Variants in DPP10 observed in about 807,000 individuals in gnomAD.
DPP10 encodes dipeptidyl peptidase like 10, also known as inactive dipeptidyl peptidase 10.
DPP10 carries 33 observed loss-of-function variants against 120.9 expected under a neutral mutation model. The observed-to-expected ratio is 0.27, with a 90% CI of 0.21 to 0.37. DPP10 has a LOEUF of 0.37. Among genes scored for constraint, DPP10 ranks in the 10% least tolerant of loss-of-function variants. The pLI, the probability that DPP10 is intolerant of heterozygous loss-of-function variation, is 1.00. For missense variants in DPP10, 816 were observed against 942.8 expected, an observed-to-expected ratio of 0.87 and a Z score of 1.76; for synonymous variants, 337 against 326.1, an observed-to-expected ratio of 1.03 and a Z score of -0.36.
At chr2:114,810,643 G>A (rs3898967) in intron 1 of DPP10, among the ~76,000 whole-genome samples, 149 of 152,266 alleles carry the variant, frequency 9.8e-4, no homozygotes, top group African/African-American at 3.3e-3. Context: ...TTTTCCAACA[G>A]TGACTTGATG....
intron 1 of DPP10, among the ~76,000 whole-genome samples, chr2:115,147,890 T>C (rs749914218): frequency 6.6e-6 from 1 of 152,186 alleles, no homozygotes; most frequent in Non-Finnish European, 1.5e-5. Context: ...ACTTTAGCTC[T>C]TTTTGGTAGA....
At chr2:115,421,643 C>A (rs1399656662) in intron 3 of DPP10, among the ~76,000 whole-genome samples, 3 of 151,890 alleles carry the variant, frequency 2.0e-5, no homozygotes, top group Non-Finnish European at 4.4e-5. Context: ...GAAGCCGAGG[C>A]AGGCGGATCA....
At chr2:114,515,221 G>A (rs1684494796) in intron 1 of DPP10, among the ~76,000 whole-genome samples, 1 of 152,120 alleles carries the variant, frequency 6.6e-6, no homozygotes, top group Non-Finnish European at 1.5e-5. Flanking sequence ...CATAAACATT[G>A]AGAATAATGA....
At chr2:114,905,327 T>G (rs1360304982) in intron 1 of DPP10, among the ~76,000 whole-genome samples, 1 of 152,116 alleles carries the variant, frequency 6.6e-6, no homozygotes, top group Non-Finnish European at 1.5e-5. Flanking sequence ...TAAGTTGCTT[T>G]TCTATTTACT....
At chr2:115,322,911 G>T (rs1473718696) in intron 2 of DPP10, among the ~76,000 whole-genome samples, 1 of 152,178 alleles carries the variant, frequency 6.6e-6, no homozygotes, top group Non-Finnish European at 1.5e-5. Context: ...TGAGCCTTCT[G>T]CAAATCATAA....
intron 5 of DPP10, among the ~76,000 whole-genome samples, chr2:115,640,519 TTAA>T (rs1246890723): frequency 2.0e-5 from 3 of 152,020 alleles, no homozygotes; most frequent in African/African-American, 7.2e-5. Context: ...AATTTTACAG[TTAA>T]TAAGTAAAAC....
At chr2:115,353,984 C>T (rs1166221112) in intron 3 of DPP10, among the ~76,000 whole-genome samples, 2 of 151,866 alleles carry the variant, frequency 1.3e-5, no homozygotes, top group South Asian at 2.1e-4. Flanking sequence ...GAAAGATTTT[C>T]TTTGTAATTG....
intron 1 of DPP10, among the ~76,000 whole-genome samples, chr2:115,259,900 C>T (rs2059174913): frequency 6.6e-6 from 1 of 151,882 alleles, no homozygotes; most frequent in Admixed American, 6.6e-5. Flanking sequence ...TTAATTTGGT[C>T]ATACTTGATT....
intron 1 of DPP10, among the ~76,000 whole-genome samples, chr2:114,722,313 G>T (rs946267319): frequency 1.2e-4 from 18 of 151,968 alleles, no homozygotes; most frequent in African/African-American, 4.4e-4. Flanking sequence ...TCTTCCATTG[G>T]CCTCATGCTT....
At chr2:115,817,875 A>G (rs1687423211) in intron 21 of DPP10, among the ~76,000 whole-genome samples, 1 of 152,124 alleles carries the variant, frequency 6.6e-6, no homozygotes, top group Non-Finnish European at 1.5e-5. Context: ...TGAGGTGTCT[A>G]GAGTGGTTGA....
chr2:115,321,515 G>GTTTTTTTTTTTTTTTTTTTTTTTTTTTTT (rs35046366), intron 2 of DPP10, among the ~76,000 whole-genome samples: 2 of 121,592 alleles, frequency 1.6e-5, no homozygotes, highest in Non-Finnish European at 1.6e-5. Flanking sequence ...TTTTTTTAGT[G>GTTTTTTTTTTTTTTTTTTTTTTTTTTTTT]TTTTTTTTTT....
At chr2:115,152,951 G>A (rs1031127960) in intron 1 of DPP10, among the ~76,000 whole-genome samples, 3 of 152,130 alleles carry the variant, frequency 2.0e-5, no homozygotes, top group African/African-American at 7.2e-5. Context: ...GAACATGAAC[G>A]TATTTGTGTG....
At chr2:114,829,679 A>G (rs1006838857) in intron 1 of DPP10, among the ~76,000 whole-genome samples, 2 of 151,356 alleles carry the variant, frequency 1.3e-5, no homozygotes, top group Non-Finnish European at 2.9e-5. Context: ...GCCTGGCCGG[A>G]CGTTTTTTTT....
chr2:115,454,832 G>A (rs1333206197), intron 3 of DPP10, among the ~76,000 whole-genome samples: 2 of 151,384 alleles, frequency 1.3e-5, no homozygotes, highest in Non-Finnish European at 3.0e-5. Flanking sequence ...AATACAAAGA[G>A]ATCCATAATA....
chr2:115,474,044 G>C (rs74780536), intron 3 of DPP10, among the ~76,000 whole-genome samples: 5 of 152,262 alleles, frequency 3.3e-5, no homozygotes, highest in Non-Finnish European at 7.4e-5. Context: ...ATGACGTCGT[G>C]ACCTTTAACT....
chr2:115,028,647 A>G (rs181032538), intron 1 of DPP10, among the ~76,000 whole-genome samples: 1 of 152,118 alleles, frequency 6.6e-6, no homozygotes, highest in African/African-American at 2.4e-5. Flanking sequence ...TACTGAAAGT[A>G]GGGTGTTGAT....
intron 5 of DPP10, among the ~76,000 whole-genome samples, chr2:115,662,853 A>T (rs1473454626): frequency 6.6e-5 from 10 of 152,214 alleles, no homozygotes; most frequent in African/African-American, 2.4e-4. Flanking sequence ...TGATGTATGT[A>T]ATATATATAG....
At chr2:115,633,151 A>G (rs905667699) in intron 5 of DPP10, among the ~76,000 whole-genome samples, 8 of 152,214 alleles carry the variant, frequency 5.3e-5, no homozygotes, top group African/African-American at 1.7e-4. Context: ...TTATGGCACT[A>G]TTCACAATAG....
rs1690405824 is a variant in DPP10 at position 115,844,007 on chromosome 2, A to G, written c.*1662A>G. ...AGTACATGTGAATCATGGATTTGGT[A>G]TTCAACTTTTTCCCTGGATGCTTTG... On this transcript the variant is annotated 3_prime_UTR_variant, in exon 26 of 26. Coordinates refer to ENST00000410059, the MANE Select transcript of DPP10 (RefSeq NM_020868.6). 1 of 152,588 alleles carries G rather than the reference A, an allele frequency of 6.6e-6. No homozygotes were observed. The highest frequency in any genetic ancestry group is 2.4e-5 in the African/African-American group (1 of 41,446). 9.5% of individuals were successfully genotyped at this position (152,588 alleles called of 1,614,324 possible). A position where few individuals can be genotyped will look rare whatever the true frequency, so the allele number is the denominator to read the frequency against.
Sources: gnomAD v4.1 joint callset for allele counts (sites outside exome capture counted in the v4.1 genomes callset) on GRCh38, gnomAD v4.1.1 for gene constraint, MANE v1.5 for transcripts, NCBI Gene and HGNC (gene_info 2026-07-23, HGNC 2026-07-21) for gene names.